Variants in HHAT observed in about 807,000 individuals in gnomAD.
HHAT encodes the protein hedgehog acyltransferase.
HHAT carries 47 observed loss-of-function variants against 70.8 expected under a neutral mutation model. The ratio of observed to expected loss-of-function variants is 0.66; its 90% CI spans 0.53 to 0.85. HHAT has a LOEUF of 0.85. Ranked by LOEUF, HHAT falls within the 40% of genes least tolerant of loss-of-function variation. The pLI is 0.00. For synonymous variants in HHAT, 228 were observed against 247.6 expected (o/e 0.92, Z 0.74); for missense variants, 609 against 604.8 (o/e 1.01, Z -0.07).
At chr1:210,630,244 G>T (rs1338533465) in intron 11 of HHAT, among the ~76,000 whole-genome samples, 1 of 152,076 alleles carries the variant, frequency 6.6e-6, no homozygotes, top group Non-Finnish European at 1.5e-5. Context: ...GATCACCTTA[G>T]CAAGGTCCCT....
chr1:210,609,133 TGG>T (rs67731729), intron 10 of HHAT, among the ~76,000 whole-genome samples: 12,364 of 152,242 alleles, frequency 0.081, 661 homozygotes, highest in Middle Eastern at 0.15. Context: ...GAGATTTGTG[TGG>T]GGACACAAAG....
intron 9 of HHAT, among the ~76,000 whole-genome samples, chr1:210,517,517 A>C (rs765805445): frequency 8.5e-5 from 13 of 152,200 alleles, no homozygotes; most frequent in Admixed American, 3.3e-4. Flanking sequence ...AATTGAACTC[A>C]TGGAAACAGT....
chr1:210,481,964 T>C (rs968652482), intron 8 of HHAT, among the ~76,000 whole-genome samples: 11 of 152,110 alleles, frequency 7.2e-5, no homozygotes, highest in African/African-American at 2.7e-4. Context: ...AAGGCCAGTG[T>C]GGCTGTCATG....
At chr1:210,502,382 T>TCAAA (rs1197875484) in intron 8 of HHAT, among the ~76,000 whole-genome samples, 1 of 12,316 alleles carries the variant, frequency 8.1e-5, no homozygotes, top group African/African-American at 2.4e-4. Flanking sequence ...AGACTCAGTC[T>TCAAA]CAAAAAAAAA....
intron 10 of HHAT, among the ~76,000 whole-genome samples, chr1:210,617,398 G>A (rs1043172262): frequency 1.3e-5 from 2 of 152,234 alleles, no homozygotes; most frequent in Non-Finnish European, 2.9e-5. Context: ...GAAGTAGAGA[G>A]AGGAAGGCTA....
At chr1:210,601,609 G>A (rs1454520516) in intron 10 of HHAT, among the ~76,000 whole-genome samples, 1 of 152,054 alleles carries the variant, frequency 6.6e-6, no homozygotes, top group Non-Finnish European at 1.5e-5. Context: ...ACCTTATGTA[G>A]AAGACACTTT....
At chr1:210,441,297 A>G (rs538428241) in intron 7 of HHAT, among the ~76,000 whole-genome samples, 47 of 152,200 alleles carry the variant, frequency 3.1e-4, no homozygotes, top group Non-Finnish European at 6.2e-4. Context: ...CTGAGTTGCA[A>G]ATGAGGCCTC....
chr1:210,360,831 AAAT>A (rs954453971), intron 2 of HHAT, among the ~76,000 whole-genome samples: 13 of 147,522 alleles, frequency 8.8e-5, no homozygotes, highest in Non-Finnish European at 1.3e-4. Context: ...ATATTGGAAT[AAAT>A]AATTAACTTC....
At chr1:210,575,223 G>A (rs1332502243) in intron 9 of HHAT, among the ~76,000 whole-genome samples, 3 of 151,968 alleles carry the variant, frequency 2.0e-5, no homozygotes, top group Non-Finnish European at 2.9e-5. Context: ...TTTACTTCTG[G>A]CTTTTAGTAC....
intron 9 of HHAT, among the ~76,000 whole-genome samples, chr1:210,570,653 G>C (rs1218894632): frequency 6.6e-6 from 1 of 152,136 alleles, no homozygotes; most frequent in African/African-American, 2.4e-5. Flanking sequence ...GATGAAAGTT[G>C]GGGGTCACCC....
In HHAT at chr1:210,404,496, C is replaced by T. The variant is rs2092241770; in HGVS notation, c.501C>T (p.Tyr167=). 9 of 1,612,834 alleles carry T rather than the reference C, an allele frequency of 5.6e-6. No homozygotes were observed. Among genetic ancestry groups the T allele is most frequent in the Non-Finnish European group, 7.6e-6 (9 of 1,179,840 alleles). ...GGTACAAGACAGAAAACGAGTACTA[C>T]CTGCTGCAGTTCACGCTGACCGTTC... The part of the protein sequence containing the change: ...RRWYKTENEY[Y]LLQFTLTVRC... The change falls in exon 6 of 12, where the codon TAC becomes TAT. Residue 167 remains tyrosine (Y), a synonymous_variant. Coordinates refer to ENST00000261458, the MANE Select transcript of HHAT (RefSeq NM_018194.6).
At chr1:210,368,176 T>C (rs1177479430) in intron 3 of HHAT, among the ~76,000 whole-genome samples, 1 of 152,128 alleles carries the variant, frequency 6.6e-6, no homozygotes, top group Non-Finnish European at 1.5e-5. Context: ...TTGTCATTCA[T>C]TTTTTTCCTT....
chr1:210,407,142 G>C (rs1293709207), intron 6 of HHAT, among the ~76,000 whole-genome samples: 1 of 152,104 alleles, frequency 6.6e-6, no homozygotes, highest in Non-Finnish European at 1.5e-5. Context: ...CTTTAAAGGG[G>C]CAGGGGGTTA....
At chr1:210,496,025 A>G (rs542807734) in intron 8 of HHAT, among the ~76,000 whole-genome samples, 9 of 150,008 alleles carry the variant, frequency 6.0e-5, no homozygotes, top group East Asian at 4.0e-4. Flanking sequence ...AAAAAAAAAA[A>G]AAAAAGAAAA....
chr1:210,454,643 ATCT>A (rs1424156872), intron 7 of HHAT, among the ~76,000 whole-genome samples: 2 of 152,104 alleles, frequency 1.3e-5, no homozygotes, highest in East Asian at 3.9e-4. Context: ...GCTGTGTGGG[ATCT>A]TCTTCCCTGC....
chr1:210,485,265 C>T (rs2094457229), intron 8 of HHAT, among the ~76,000 whole-genome samples: 1 of 152,092 alleles, frequency 6.6e-6, no homozygotes, highest in Non-Finnish European at 1.5e-5. Context: ...AGCTCCTCCT[C>T]CTAGGGTATG....
At chr1:210,435,176 T>C (rs986432277) in intron 7 of HHAT, among the ~76,000 whole-genome samples, 3 of 151,880 alleles carry the variant, frequency 2.0e-5, no homozygotes, top group Non-Finnish European at 4.4e-5. Flanking sequence ...TACTCTATCT[T>C]GATGAGATTC....
intron 11 of HHAT, among the ~76,000 whole-genome samples, chr1:210,629,759 A>G (rs1210253041): frequency 6.6e-6 from 1 of 150,886 alleles, no homozygotes; most frequent in Admixed American, 6.6e-5. Flanking sequence ...TCTTCAAACC[A>G]TGTTTCTTCA....
At chr1:210,525,881 C>T (rs919943824) in intron 9 of HHAT, among the ~76,000 whole-genome samples, 4 of 152,226 alleles carry the variant, frequency 2.6e-5, no homozygotes, top group Admixed American at 1.3e-4. Context: ...TCTTAGGCCA[C>T]TGCAGATGGG....
Sources: gnomAD v4.1 joint callset for allele counts (sites outside exome capture counted in the v4.1 genomes callset) on GRCh38, gnomAD v4.1.1 for gene constraint, MANE v1.5 for transcripts, NCBI Gene and HGNC (gene_info 2026-07-23, HGNC 2026-07-21) for gene names.